The following DAB1 variants were observed in gnomAD, a reference collection of about 807,000 sequenced individuals.
DAB1 encodes the protein DAB adaptor protein 1.
A neutral mutation model predicts 64.6 loss-of-function variants in DAB1; 15 were observed. That is an observed-to-expected ratio of 0.23 (90% confidence interval 0.16 to 0.36). DAB1 has a LOEUF of 0.36. Among genes scored for constraint, DAB1 ranks in the 10% least tolerant of loss-of-function variants. The pLI is 1.00. For synonymous variants in DAB1, 235 were observed against 251.9 expected (o/e 0.93, Z 0.64); for missense variants, 596 against 706.7 (o/e 0.84, Z 1.78).
intron 5 of DAB1, among the ~76,000 whole-genome samples, chr1:57,934,246 T>C (rs1310071772): frequency 6.6e-6 from 1 of 152,010 alleles, no homozygotes; most frequent in Non-Finnish European, 1.5e-5. Flanking sequence ...ATTTTAGCCA[T>C]TTGGTGGGGA....
At chr1:57,490,778 G>T (rs778756387) in intron 7 of DAB1, among the ~76,000 whole-genome samples, 2 of 152,232 alleles carry the variant, frequency 1.3e-5, no homozygotes, top group Non-Finnish European at 2.9e-5. Context: ...GCTTTAAATT[G>T]TATGCTCCTT....
At chr1:57,010,937 G>A (rs1308353610) in intron 13 of DAB1, 147 bp from the exon 14 acceptor site, 3 of 863,454 alleles carry the variant, frequency 3.5e-6, no homozygotes, top group Admixed American at 2.9e-5. Context: ...CACAAATGTG[G>A]ACTTGTAGTA....
At chr1:57,269,538 G>A (rs999947111) in intron 2 of DAB1, among the ~76,000 whole-genome samples, 1 of 152,056 alleles carries the variant, frequency 6.6e-6, no homozygotes, top group African/African-American at 2.4e-5. Flanking sequence ...GTTCAATGAG[G>A]CCCTACGTAG....
At chr1:57,915,487 A>C (rs1569984251) in intron 5 of DAB1, among the ~76,000 whole-genome samples, 1 of 152,218 alleles carries the variant, frequency 6.6e-6, no homozygotes, top group East Asian at 1.9e-4. Flanking sequence ...CTCCAGCTGC[A>C]CTAAAATCAG....
chr1:57,136,716 C>T (rs148832245), intron 3 of DAB1, 75 bp from the exon 4 acceptor site: 32 of 902,072 alleles, frequency 3.5e-5, no homozygotes, highest in Non-Finnish European at 4.4e-5. Context: ...AAGGTATGTC[C>T]GATACCATCA....
intron 7 of DAB1, among the ~76,000 whole-genome samples, chr1:57,618,545 G>A (rs916407753): frequency 7.9e-5 from 12 of 152,192 alleles, no homozygotes; most frequent in Admixed American, 4.6e-4. Flanking sequence ...TTACATTTGA[G>A]AAGTGATTCC....
At chr1:57,823,171 G>T (rs989379244), downstream of DAB1, among the ~76,000 whole-genome samples, 5 of 151,912 alleles carry the variant, frequency 3.3e-5, no homozygotes, top group Admixed American at 1.3e-4. Flanking sequence ...TTTTAGTAGA[G>T]ATGGGGTTTC....
At chr1:58,372,300 G>A (rs191463646) in intron 3 of DAB1, among the ~76,000 whole-genome samples, 4 of 152,342 alleles carry the variant, frequency 2.6e-5, no homozygotes, top group East Asian at 3.9e-4. Flanking sequence ...TTTAATGACT[G>A]CCCAGCCAGG....
At chr1:58,531,340 G>A (rs1189073675) in intron 1 of DAB1, among the ~76,000 whole-genome samples, 5 of 152,110 alleles carry the variant, frequency 3.3e-5, no homozygotes, top group Admixed American at 6.5e-5. Flanking sequence ...ATACAAGTTT[G>A]TAAATTTGTA....
At chr1:57,918,412 A>C (rs1644760890) in intron 5 of DAB1, among the ~76,000 whole-genome samples, 1 of 152,136 alleles carries the variant, frequency 6.6e-6, no homozygotes, top group East Asian at 1.9e-4. Flanking sequence ...GGCAAAATGG[A>C]AGTGGACACT....
At chr1:57,704,726 T>C (rs796626116) in intron 6 of DAB1, among the ~76,000 whole-genome samples, 2 of 152,318 alleles carry the variant, frequency 1.3e-5, no homozygotes, top group African/African-American at 4.8e-5. Flanking sequence ...ATTTTGTATG[T>C]ATCTGACAAA....
chr1:58,172,435 C>T (rs1453931567), intron 4 of DAB1, among the ~76,000 whole-genome samples: 5 of 152,166 alleles, frequency 3.3e-5, no homozygotes, highest in Admixed American at 1.3e-4. Flanking sequence ...ATGTAAATGG[C>T]ATACTAGGTG....
At chr1:57,857,141 G>C (rs1441196077) in intron 1 of DAB1, among the ~76,000 whole-genome samples, 1 of 152,178 alleles carries the variant, frequency 6.6e-6, no homozygotes, top group East Asian at 1.9e-4. Flanking sequence ...TAGAAGAAGT[G>C]AGACACCTGG....
intron 2 of DAB1, among the ~76,000 whole-genome samples, chr1:57,176,964 A>T (rs1305296361): frequency 3.1e-5 from 4 of 127,282 alleles, no homozygotes; most frequent in Non-Finnish European, 4.8e-5. Flanking sequence ...AAGAAGCAGC[A>T]GCAGATATAA....
intron 7 of DAB1, among the ~76,000 whole-genome samples, chr1:57,477,601 T>C (rs1643954625): frequency 6.6e-6 from 1 of 152,178 alleles, no homozygotes; most frequent in Non-Finnish European, 1.5e-5. Flanking sequence ...GAGATGAGGC[T>C]GATAAGAAAG....
At chr1:58,221,087 A>G (rs35848260) in intron 4 of DAB1, among the ~76,000 whole-genome samples, 2 of 150,720 alleles carry the variant, frequency 1.3e-5, no homozygotes, top group Admixed American at 1.3e-4. Flanking sequence ...TAGAAATACA[A>G]ATACACACTC....
chr1:57,263,832 G>A (rs972812762), intron 2 of DAB1, among the ~76,000 whole-genome samples: 1 of 152,134 alleles, frequency 6.6e-6, no homozygotes, highest in Non-Finnish European at 1.5e-5. Context: ...ATGAAATTGG[G>A]ACTAAAAATG....
At chr1:57,215,988 T>C (rs1666396901) in intron 2 of DAB1, among the ~76,000 whole-genome samples, 1 of 152,130 alleles carries the variant, frequency 6.6e-6, no homozygotes, top group Non-Finnish European at 1.5e-5. Flanking sequence ...GAGGACCAGA[T>C]GAATCAGACC....
rs1307879043 is a variant in DAB1, at chr1:58,252,371, G to T, written n.309+90981C>A. 2.6e-5 allele frequency among the ~76,000 whole-genome samples: 4 copies of T among 152,254 alleles called. No homozygotes were observed. In the South Asian group the frequency reaches 6.2e-4, roughly 24 times the overall value. On this transcript the variant is annotated intron_variant and non_coding_transcript_variant, in intron 4 of 20. Transcript: ENST00000485760. ...GCAGGAAAGATTTTCATTTTGTTTA[G>T]GTCTTTTCAATTTTTTCCTGTCTGC...
Sources: gnomAD v4.1 joint callset for allele counts (sites outside exome capture counted in the v4.1 genomes callset) on GRCh38, gnomAD v4.1.1 for gene constraint, MANE v1.5 for transcripts, NCBI Gene and HGNC (gene_info 2026-07-23, HGNC 2026-07-21) for gene names.